The following ZNF599 variants were observed in gnomAD, a reference collection of about 807,000 sequenced individuals.
ZNF599 encodes the protein zinc finger protein 599.
Under a neutral mutation model 11.7 loss-of-function variants are expected in ZNF599, and 10 were observed. The observed-to-expected ratio is 0.86, with a 90% CI of 0.53 to 1.45. The LOEUF (loss-of-function observed/expected upper bound fraction) is 1.45. ZNF599 is among the 40% of genes most tolerant of loss of function. The pLI is 0.00. For missense variants in ZNF599, 688 were observed against 713.6 expected (o/e 0.96, Z 0.41); for synonymous variants, 232 against 253.2 (o/e 0.92, Z 0.79).
chr19:34,766,967 CTT>C (rs1257747222), intron 3 of ZNF599: 2 of 203,282 alleles, frequency 9.8e-6, no homozygotes, highest in Non-Finnish European at 2.0e-5. Flanking sequence ...CAAAACGAAA[CTT>C]AATCTGTTGA....
the ZNF599 span, among the ~76,000 whole-genome samples, chr19:34,797,980 G>A: frequency 7.2e-5 from 11 of 152,062 alleles, no homozygotes; most frequent in South Asian, 2.1e-4. Flanking sequence ...CACAAGGGTC[G>A]CATTCCATTC....
the ZNF599 span, among the ~76,000 whole-genome samples, chr19:34,780,756 G>C: frequency 6.8e-6 from 1 of 147,854 alleles, no homozygotes; most frequent in Non-Finnish European, 1.5e-5. Context: ...CAGAAAGAAA[G>C]AAAAGGAAGG....
chr19:34,780,359 A>G, the ZNF599 span, among the ~76,000 whole-genome samples: 1 of 152,096 alleles, frequency 6.6e-6, no homozygotes, highest in Non-Finnish European at 1.5e-5. Flanking sequence ...AAATTAAAAA[A>G]TAAGCTGGGT....
At chr19:34,780,220 C>T in the ZNF599 span, among the ~76,000 whole-genome samples, 1 of 152,088 alleles carries the variant, frequency 6.6e-6, no homozygotes, top group Admixed American at 6.6e-5. Context: ...CAAGAGTAGA[C>T]CACATGGCCA....
intron 1 of ZNF599, among the ~76,000 whole-genome samples, chr19:34,770,703 T>A (rs768979621): frequency 1.8e-4 from 27 of 152,198 alleles, no homozygotes; most frequent in Non-Finnish European, 3.4e-4. Context: ...GCAGCTGCCT[T>A]AAGCACCACG....
At chr19:34,764,373 G>A (rs534593413) in intron 3 of ZNF599, 2 of 152,230 alleles carry the variant, frequency 1.3e-5, no homozygotes, top group East Asian at 3.8e-4. Context: ...TGGTGGTTTC[G>A]ATTAAAGCTA....
At position 34,760,276 on chromosome 19, in the gene ZNF599, TTG is replaced by T; in HGVS notation, c.523_524del (p.Gln175ArgfsTer5). ...GAGAGTCACACTCATGGAGAGCATC[TTG>T]TGGAGTGACTCGTTCCTGTAAAACC... ...LRVLQERVTPQDALHECDSQG... is the reference protein window; with the variant it reads ...LRVLQERVTPXDALHECDSQG... On this transcript the variant is annotated frameshift_variant, in exon 4 of 4. Coordinates refer to ENST00000329285, the MANE Select transcript of ZNF599 (RefSeq NM_001007248.3). LOFTEE classifies it low-confidence loss of function (END_TRUNC). 2 of 1,614,198 alleles carry T rather than the reference TTG, an allele frequency of 1.2e-6. No individual in the cohort carries two copies. Among genetic ancestry groups the T allele is most frequent in the Non-Finnish European group, 1.7e-6 (2 of 1,180,030 alleles).
chr19:34,779,617 C>G, the ZNF599 span: 11 of 366,826 alleles, frequency 3.0e-5, no homozygotes, highest in South Asian at 2.3e-4. Context: ...CAACTCACAT[C>G]TCTTAGGAGA....
intron 3 of ZNF599, chr19:34,765,576 C>T (rs934512608): frequency 4.3e-6 from 3 of 702,848 alleles, no homozygotes; most frequent in Non-Finnish European, 7.8e-6. Context: ...AAAGTGTAAT[C>T]TAGATTCTGC....
At chr19:34,804,848 C>T in the ZNF599 span, among the ~76,000 whole-genome samples, 1 of 152,194 alleles carries the variant, frequency 6.6e-6, no homozygotes, top group Non-Finnish European at 1.5e-5. Context: ...ACACACAGCC[C>T]TCCTGCACAA....
intron 3 of ZNF599, among the ~76,000 whole-genome samples, chr19:34,762,495 T>C (rs551588907): frequency 6.6e-6 from 1 of 152,272 alleles, no homozygotes; most frequent in East Asian, 1.9e-4. Flanking sequence ...GGAACTTTAC[T>C]AAGAGAAACT....
chr19:34,791,185 A>G, the ZNF599 span, among the ~76,000 whole-genome samples: 1 of 152,216 alleles, frequency 6.6e-6, no homozygotes, highest in Non-Finnish European at 1.5e-5. Context: ...GTACACAGCT[A>G]TACCACCTCC....
intron 1 of ZNF599, chr19:34,772,469 G>A (rs2069189326): frequency 1.7e-6 from 2 of 1,148,262 alleles, no homozygotes; most frequent in Non-Finnish European, 2.1e-6. Flanking sequence ...GATGCTCTCC[G>A]AGCAGTGAAA....
At chr19:34,780,443 AG>A in the ZNF599 span, among the ~76,000 whole-genome samples, 1 of 151,942 alleles carries the variant, frequency 6.6e-6, no homozygotes, top group Non-Finnish European at 1.5e-5. Context: ...CAAGAGGTTG[AG>A]GCTGCAGCTG....
Position 34,772,913 on chromosome 19 carries a change from G to A in ZNF599, c.-72C>T. ...GTCCTGCGGGCTCGGCCGACCCCGGGCTCCGGCTCTGGGCTGCGAGGGACC... is the reference window on the plus strand; with the variant it reads ...GTCCTGCGGGCTCGGCCGACCCCGGACTCCGGCTCTGGGCTGCGAGGGACC... On this transcript the variant is annotated 5_prime_UTR_variant, in exon 1 of 4. Coordinates refer to ENST00000329285, the MANE Select transcript of ZNF599 (RefSeq NM_001007248.3). 1.4e-6 allele frequency: 2 copies of A among 1,395,298 alleles called. No homozygotes were observed. 86.4% of individuals were successfully genotyped at this position (1,395,298 alleles called of 1,614,324 possible).
the ZNF599 span, among the ~76,000 whole-genome samples, chr19:34,795,985 C>A: frequency 6.6e-6 from 1 of 152,060 alleles, no homozygotes; most frequent in Non-Finnish European, 1.5e-5. Flanking sequence ...CCACGCCCAG[C>A]TAATTTTGTA....
At chr19:34,786,260 C>T in the ZNF599 span, among the ~76,000 whole-genome samples, 1 of 152,146 alleles carries the variant, frequency 6.6e-6, no homozygotes, top group Non-Finnish European at 1.5e-5. Flanking sequence ...TTACCTCTGA[C>T]ATTTCCTCTT....
the ZNF599 span, among the ~76,000 whole-genome samples, chr19:34,797,839 C>G: frequency 2.0e-5 from 3 of 152,108 alleles, no homozygotes; most frequent in African/African-American, 4.8e-5. Flanking sequence ...ACCAGTTAGA[C>G]CACAAAATCT....
chr19:34,792,583 G>T, the ZNF599 span, among the ~76,000 whole-genome samples: 1 of 152,200 alleles, frequency 6.6e-6, no homozygotes, highest in African/African-American at 2.4e-5. Context: ...CTTGTGAGGG[G>T]CCAGGTGCGG....
Sources: gnomAD v4.1 joint callset for allele counts (sites outside exome capture counted in the v4.1 genomes callset) on GRCh38, gnomAD v4.1.1 for gene constraint, MANE v1.5 for transcripts, NCBI Gene and HGNC (gene_info 2026-07-23, HGNC 2026-07-21) for gene names.